COTL1: variants seen among roughly 807,000 people sequenced by gnomAD.
COTL1 encodes the protein coactosin like F-actin binding protein 1.
A neutral mutation model predicts 16.5 loss-of-function variants in COTL1; 15 were observed. The observed-to-expected ratio is 0.91, with a 90% confidence interval of 0.61 to 1.40. The LOEUF (loss-of-function observed/expected upper bound fraction) is 1.40. Among genes scored for constraint, COTL1 ranks in the 40% most tolerant of loss-of-function variants. The pLI is 0.00. For missense variants in COTL1, 220 were observed against 201.5 expected (o/e 1.09, Z -0.56); for synonymous variants, 112 against 85.3 (o/e 1.31, Z -1.73).
intron 2 of COTL1, among the ~76,000 whole-genome samples, chr16:84,606,101 TA>T (rs1470946474): frequency 6.6e-6 from 1 of 152,202 alleles, no homozygotes; most frequent in East Asian, 1.9e-4. Context: ...AATAAAATAT[TA>T]AATGCTGACG....
intron 2 of COTL1, among the ~76,000 whole-genome samples, chr16:84,591,521 C>T (rs1298164501): frequency 1.3e-5 from 2 of 149,622 alleles, no homozygotes; most frequent in African/African-American, 2.5e-5. Context: ...GTGTATTGGC[C>T]AGGTATGGTG....
At chr16:84,595,658 C>G (rs763117189) in intron 2 of COTL1, 1 of 152,184 alleles carries the variant, frequency 6.6e-6, no homozygotes, top group Non-Finnish European at 1.5e-5. Context: ...CTCCTGTACG[C>G]GGGAACACTG....
intron 2 of COTL1, among the ~76,000 whole-genome samples, chr16:84,612,504 C>T (rs559253338): frequency 6.6e-6 from 1 of 152,236 alleles, no homozygotes; most frequent in South Asian, 2.1e-4. Flanking sequence ...TATTTGAGGC[C>T]GGGCGCGGTG....
chr16:84,578,906 CACATGCATGCATACACACAGAT>C (rs11272175), intron 3 of COTL1, among the ~76,000 whole-genome samples: 19,688 of 151,728 alleles, frequency 0.13, 2,848 homozygotes, highest in African/African-American at 0.36. Context: ...CACACACAGA[CACATGCATGCATACACACAGAT>C]ACATGCATGC....
chr16:84,601,291 TA>T (rs1315578611), intron 2 of COTL1, among the ~76,000 whole-genome samples: 1 of 152,224 alleles, frequency 6.6e-6, no homozygotes, highest in East Asian at 1.9e-4. Context: ...ATATACAGTC[TA>T]CCATAGCAAA....
At chr16:84,570,472 G>A (rs946003800) in intron 3 of COTL1, among the ~76,000 whole-genome samples, 1 of 128,954 alleles carries the variant, frequency 7.8e-6, no homozygotes, top group Non-Finnish European at 1.7e-5. Flanking sequence ...AAAATGCTAT[G>A]TTTCAAACTA....
At chr16:84,591,505 T>G (rs1054967020) in intron 2 of COTL1, among the ~76,000 whole-genome samples, 4 of 150,862 alleles carry the variant, frequency 2.7e-5, no homozygotes, top group African/African-American at 9.7e-5. Flanking sequence ...ATTTTTAAAG[T>G]GATGTGTGTA....
chr16:84,603,189 G>A (rs1417725910), intron 2 of COTL1, among the ~76,000 whole-genome samples: 2 of 152,152 alleles, frequency 1.3e-5, no homozygotes, highest in Non-Finnish European at 2.9e-5. Flanking sequence ...TTCCTTCCCC[G>A]TGGACTTTAA....
At chr16:84,580,508 C>T (rs541977354) in intron 3 of COTL1, among the ~76,000 whole-genome samples, 2 of 152,328 alleles carry the variant, frequency 1.3e-5, no homozygotes, top group African/African-American at 4.8e-5. Flanking sequence ...ACTTCAGCTC[C>T]CCTAAGGGCT....
intron 2 of COTL1, among the ~76,000 whole-genome samples, chr16:84,602,607 C>T (rs1302436224): frequency 6.6e-6 from 1 of 152,130 alleles, no homozygotes; most frequent in Non-Finnish European, 1.5e-5. Context: ...GTAATCCCAG[C>T]ACTTTGGGAG....
chr16:84,603,576 T>A (rs1905145955), intron 2 of COTL1, among the ~76,000 whole-genome samples: 1 of 141,014 alleles, frequency 7.1e-6, no homozygotes, highest in Non-Finnish European at 1.5e-5. Context: ...ACACAGGAAG[T>A]GTTGGGAAGC....
At chr16:84,571,106 C>CA (rs1170104582) in intron 3 of COTL1, among the ~76,000 whole-genome samples, 4 of 152,192 alleles carry the variant, frequency 2.6e-5, no homozygotes, top group Non-Finnish European at 4.4e-5. Flanking sequence ...ATACTGCCTC[C>CA]AGGGGTGGGC....
At chr16:84,593,298 A>G (rs1214943488) in intron 2 of COTL1, among the ~76,000 whole-genome samples, 1 of 152,164 alleles carries the variant, frequency 6.6e-6, no homozygotes, top group Non-Finnish European at 1.5e-5. Context: ...GACACTGCGC[A>G]GGTGAATCCA....
chr16:84,583,285 A>C (rs1187363056), intron 3 of COTL1, among the ~76,000 whole-genome samples: 1 of 152,180 alleles, frequency 6.6e-6, no homozygotes, highest in Non-Finnish European at 1.5e-5. Context: ...CAAATGATTT[A>C]ATACACGGAA....
intron 2 of COTL1, among the ~76,000 whole-genome samples, chr16:84,592,109 G>C (rs999818744): frequency 2.0e-5 from 3 of 152,226 alleles, no homozygotes; most frequent in Non-Finnish European, 4.4e-5. Context: ...ATACATTGCA[G>C]ATGTCCTCCA....
At chr16:84,591,633 CTAAAAAAAAAAAAA>C (rs1403345461) in intron 2 of COTL1, among the ~76,000 whole-genome samples, 2 of 59,030 alleles carry the variant, frequency 3.4e-5, no homozygotes, top group East Asian at 4.5e-4. Flanking sequence ...AATCACCTCT[CTAAAAAAAAAAAAA>C]AAAAAAAAAA....
chr16:84,566,593 G>C lies in COTL1; in HGVS notation c.*252C>G. 4.4e-6 allele frequency: 2 copies of C among 451,396 alleles called. No individual in the cohort carries two copies. Among genetic ancestry groups the C allele is most frequent in the Non-Finnish European group, 8.0e-6 (2 of 251,464 alleles). 28.0% of individuals were successfully genotyped at this position (451,396 alleles called of 1,614,324 possible). On this transcript the variant is annotated 3_prime_UTR_variant, in exon 4 of 4. Coordinates refer to ENST00000262428, the MANE Select transcript of COTL1 (RefSeq NM_021149.5). ...CTTGCATCAAAATGACTTTTCTTTA[G>C]AACAAAAAAGAGGGGGAGAAAAGAA...
intron 3 of COTL1, among the ~76,000 whole-genome samples, chr16:84,575,048 T>C (rs1035994233): frequency 6.6e-6 from 1 of 152,220 alleles, no homozygotes; most frequent in African/African-American, 2.4e-5. Flanking sequence ...TATTTATTTA[T>C]CTTTTGAGAT....
intron 2 of COTL1, among the ~76,000 whole-genome samples, chr16:84,615,471 T>C (rs1430121409): frequency 6.6e-6 from 1 of 152,180 alleles, no homozygotes; most frequent in Non-Finnish European, 1.5e-5. Context: ...CATCCCCTTC[T>C]ACTTGCTGGA....
Sources: gnomAD v4.1 joint callset for allele counts (sites outside exome capture counted in the v4.1 genomes callset) on GRCh38, gnomAD v4.1.1 for gene constraint, MANE v1.5 for transcripts, NCBI Gene and HGNC (gene_info 2026-07-23, HGNC 2026-07-21) for gene names.